KANK1: variants seen among roughly 807,000 people sequenced by gnomAD.
The protein encoded by KANK1 is KN motif and ankyrin repeat domains 1.
KANK1 carries 109 observed loss-of-function variants against 106.2 expected under a neutral mutation model. The ratio of observed to expected loss-of-function variants is 1.03; its 90% CI spans 0.88 to 1.20. The LOEUF is 1.20. Among genes scored for constraint, KANK1 ranks in the 50% most tolerant of loss-of-function variants. The pLI is 0.00. For missense variants in KANK1, 2,399 were observed against 1,710.7 expected (o/e 1.40, Z -7.10); for synonymous variants, 873 against 652.2 (o/e 1.34, Z -5.16).
intron 3 of KANK1, among the ~76,000 whole-genome samples, chr9:726,985 T>C (rs554201621): frequency 3.6e-4 from 55 of 152,304 alleles, no homozygotes; most frequent in Non-Finnish European, 5.4e-4. Flanking sequence ...AAAAATTATT[T>C]ACCAAAGTAG....
chr9:707,009 A>G (rs1824421106), intron 2 of KANK1: 2 of 985,370 alleles, frequency 2.0e-6, no homozygotes, highest in Admixed American at 1.2e-4. Flanking sequence ...TTTCATTAAG[A>G]AAACAGGGAA....
chr9:488,517 T>G (rs1587232179), intron 3 of KANK1, among the ~76,000 whole-genome samples: 1 of 152,246 alleles, frequency 6.6e-6, no homozygotes, highest in South Asian at 2.1e-4. Flanking sequence ...TTCTGCCGTT[T>G]ATGAGTTGTT....
intron 1 of KANK1, among the ~76,000 whole-genome samples, chr9:603,958 CA>C (rs71314719): frequency 0.018 from 1,728 of 94,494 alleles, 47 homozygotes; most frequent in African/African-American, 0.071. Flanking sequence ...GACTCTGTCT[CA>C]AAAAAAAAAA....
At chr9:526,997 C>T (rs1028446051) in intron 1 of KANK1, among the ~76,000 whole-genome samples, 7 of 151,626 alleles carry the variant, frequency 4.6e-5, no homozygotes, top group Non-Finnish European at 1.0e-4. Context: ...AATTCACAGC[C>T]AAGACATGTA....
intron 7 of KANK1, among the ~76,000 whole-genome samples, chr9:737,910 A>C (rs1177791768): frequency 2.6e-5 from 4 of 152,206 alleles, no homozygotes; most frequent in African/African-American, 9.7e-5. Flanking sequence ...TATTCTCATC[A>C]CAGAAACTAT....
At chr9:559,460 G>T (rs758605949) in intron 1 of KANK1, among the ~76,000 whole-genome samples, 1 of 152,060 alleles carries the variant, frequency 6.6e-6, no homozygotes, top group Non-Finnish European at 1.5e-5. Flanking sequence ...GACTGAATAT[G>T]TGGTACTTGA....
chr9:633,790 T>C (rs2136899919), intron 1 of KANK1, among the ~76,000 whole-genome samples: 1 of 152,258 alleles, frequency 6.6e-6, no homozygotes, highest in Non-Finnish European at 1.5e-5. Flanking sequence ...GTAGCTGAGA[T>C]TACAAGCACA....
intron 2 of KANK1, chr9:684,092 C>T (rs1818080976): frequency 1.1e-6 from 1 of 882,214 alleles, no homozygotes; most frequent in Non-Finnish European, 1.4e-6. Flanking sequence ...TTTGAAAAGC[C>T]CCTGGCTCAT....
chr9:528,332 T>A (rs899476859), intron 1 of KANK1, among the ~76,000 whole-genome samples: 1 of 151,990 alleles, frequency 6.6e-6, no homozygotes, highest in Non-Finnish European at 1.5e-5. Context: ...TTTTCTAATG[T>A]TGGTGGTCCT....
Position 674,177 on chromosome 9 carries a change from G to A in KANK1, c.-83-2713G>A, listed in dbSNP as rs1429557268. 3 of 152,152 alleles carry A rather than the reference G, an allele frequency of 2.0e-5. No homozygotes were observed. In the East Asian group the frequency reaches 5.8e-4, roughly 29 times the overall value. The allele number at this position is 152,152 out of a possible 1,614,324, so 9.4% of individuals were successfully genotyped here. A position where few individuals can be genotyped will look rare whatever the true frequency, so the allele number is the denominator to read the frequency against. ...AGTTCAATGTTGTGGACCTGAACCA[G>A]TGCCTCTGTTTCCAAGAGAAAGTCA... On this transcript the variant is annotated intron_variant, in intron 1 of 11. Coordinates refer to ENST00000382297, the MANE Select transcript of KANK1 (RefSeq NM_015158.5).
At chr9:605,115 A>C (rs908836299) in intron 1 of KANK1, among the ~76,000 whole-genome samples, 1 of 151,490 alleles carries the variant, frequency 6.6e-6, no homozygotes, top group Non-Finnish European at 1.5e-5. Flanking sequence ...CAGCCTGACC[A>C]ACATGATGAA....
chr9:598,862 C>T lies in KANK1; in HGVS notation c.-83-78028C>T, dbSNP rs796410479. Reference sequence around the variant, plus strand: ...GGCCAGACTGGTCTCGGACTCCTGACCTCAGGTGATCCGCCCTCCTCCATC... The same window carrying T: ...GGCCAGACTGGTCTCGGACTCCTGATCTCAGGTGATCCGCCCTCCTCCATC... On this transcript the variant is annotated intron_variant, in intron 1 of 11. Transcript: ENST00000382297. 4.0e-5 allele frequency among the ~76,000 whole-genome samples: 6 copies of T among 149,738 alleles called. 1 individual carries two copies. Among genetic ancestry groups the T allele is most frequent in the African/African-American group, 1.5e-4 (6 of 40,552 alleles).
chr9:480,086 C>T (rs1032312728), intron 3 of KANK1, among the ~76,000 whole-genome samples: 14 of 152,178 alleles, frequency 9.2e-5, no homozygotes, highest in African/African-American at 1.9e-4. Context: ...ACAAAAAACA[C>T]GTTCCATCTG....
chr9:640,318 C>G (rs922632688), intron 1 of KANK1, among the ~76,000 whole-genome samples: 4 of 151,710 alleles, frequency 2.6e-5, no homozygotes, highest in East Asian at 1.9e-4. Flanking sequence ...TCTCTGCAGC[C>G]TCCACCTCCT....
intron 3 of KANK1, among the ~76,000 whole-genome samples, chr9:479,745 C>T (rs1340699743): frequency 2.6e-5 from 4 of 152,194 alleles, no homozygotes; most frequent in Non-Finnish European, 5.9e-5. Context: ...CACACCAGGG[C>T]AGCTTCTGTC....
Position 738,380 on chromosome 9 carries a change from T to C in KANK1, c.3429T>C (p.Phe1143=). ...TGGTGGGGGACTACATAGCTGCTTTTGAGGCCATTTCCCCAGATGTCCTCC... is the reference window on the plus strand; with the variant it reads ...TGGTGGGGGACTACATAGCTGCTTTCGAGGCCATTTCCCCAGATGTCCTCC... ...PAMVGDYIAA[F]EAISPDVLRY... is the part of the protein sequence containing the mutation. Residue 1143 remains phenylalanine, a synonymous_variant, in exon 8 of 12, where the codon TTT becomes TTC. Transcript: ENST00000382297. The C allele has an allele frequency of 6.2e-7, 1 of 1,614,184 alleles. No homozygotes were observed. Among genetic ancestry groups the C allele is most frequent in the South Asian group, 1.1e-5 (1 of 91,086 alleles).
intron 1 of KANK1, among the ~76,000 whole-genome samples, chr9:508,325 C>G (rs972021485): frequency 1.3e-5 from 2 of 151,140 alleles, no homozygotes; most frequent in South Asian, 4.2e-4. Flanking sequence ...TTAGTAGAAA[C>G]GGGGTTTCTC....
At chr9:649,392 C>T (rs941692223) in intron 1 of KANK1, among the ~76,000 whole-genome samples, 2 of 152,094 alleles carry the variant, frequency 1.3e-5, no homozygotes, top group Non-Finnish European at 2.9e-5. Flanking sequence ...TGGCTCAAAG[C>T]ATAGAAGAAA....
At chr9:471,872 G>C (rs962253867) in intron 2 of KANK1, among the ~76,000 whole-genome samples, 1 of 152,130 alleles carries the variant, frequency 6.6e-6, no homozygotes, top group Non-Finnish European at 1.5e-5. Context: ...CATGGTAGGT[G>C]GGTGTTGCTA....
Sources: allele counts gnomAD v4.1 joint callset (sites outside exome capture counted in the v4.1 genomes callset), GRCh38; gene constraint gnomAD v4.1.1; transcripts MANE v1.5; gene names NCBI Gene and HGNC (gene_info 2026-07-23, HGNC 2026-07-21).